Variants in CPXM1 observed in about 807,000 individuals in gnomAD.
CPXM1 encodes probable carboxypeptidase X1.
In CPXM1, 72 loss-of-function variants were observed where a neutral mutation model predicts 80.4. The observed-to-expected ratio is 0.90, with a 90% CI of 0.74 to 1.09. The LOEUF is 1.09. Among genes scored for constraint, CPXM1 ranks in the 50% least tolerant of loss-of-function variants. CPXM1 has a pLI of 0.00. For missense variants in CPXM1, 892 were observed against 999.4 expected, an observed-to-expected ratio of 0.89 and a Z score of 1.45; for synonymous variants, 403 against 405.6, an observed-to-expected ratio of 0.99 and a Z score of 0.08.
chr20:2,798,628 C>T (rs1026769708), intron 2 of CPXM1, 91 bp from the exon 3 acceptor site: 2 of 1,550,584 alleles, frequency 1.3e-6, no homozygotes, highest in Admixed American at 1.7e-5. Context: ...CTGCGCTAGG[C>T]AAGCAAGGGG....
intron 1 of CPXM1, among the ~76,000 whole-genome samples, chr20:2,800,157 G>A (rs1277429195): frequency 6.6e-6 from 1 of 150,750 alleles, no homozygotes; most frequent in Non-Finnish European, 1.5e-5. Flanking sequence ...GCGTGTGAGT[G>A]TGCGTGTGTG....
chr20:2,796,180 G>A lies in CPXM1; in HGVS notation c.1243-19C>T, dbSNP rs779290719. 2 of 1,608,258 alleles carry A rather than the reference G, an allele frequency of 1.2e-6. No individual in the cohort carries two copies. The highest frequency in any genetic ancestry group is 1.7e-4 in the Middle Eastern group (1 of 6,030). ...CTGAACCCTGCCGGGCAAGAGGCTTGTTCAAGTCGAGCAGGTCCAGCCACC... is the reference window on the plus strand; with the variant it reads ...CTGAACCCTGCCGGGCAAGAGGCTTATTCAAGTCGAGCAGGTCCAGCCACC... On this transcript the variant is annotated intron_variant, in intron 9 of 13. Transcript: ENST00000380605. The surrounding 1 kb of genome is among the most constrained non-coding windows in gnomAD (Gnocchi z 6.8).
At position 2,795,642 on chromosome 20, in the gene CPXM1, G is replaced by A. The variant is rs147866857; in HGVS notation, c.1677C>T (p.His559=). ...AGTCAGCCCCGTTGATGATGTTGCC[G>A]TGCACGGAGAAGTCCTGGCTGTGGC... ...RPCHSQDFSV[H]GNIINGADWH... Residue 559 remains histidine, a synonymous_variant, in exon 11 of 14, where the codon CAC becomes CAT. Coordinates refer to ENST00000380605, the MANE Select transcript of CPXM1 (RefSeq NM_019609.5). This position sits in a 1 kb window ranked among gnomAD's most constrained non-coding sequence, Gnocchi z 5.4. The A allele has an allele frequency of 1.4e-4, 225 of 1,614,126 alleles. No homozygotes were observed. The highest frequency in any genetic ancestry group is 3.7e-4 in the African/African-American group (28 of 75,056).
rs1345082499 is a variant in CPXM1, at chr20:2,794,426, C to G, written c.1969G>C (p.Gly657Arg). 8 of 1,613,910 alleles carry G rather than the reference C, an allele frequency of 5.0e-6. No homozygotes were observed. ...GINHDVTTAW[G>R]GDYWRLLTPG... is the part of the protein sequence containing the mutation. ...GTCAGCAGACGCCAATAATCCCCGC[C>G]CCACGCTGAGGAGAGTGAAGGGCAC... Residue 657 changes from glycine (G) to arginine (R), a missense_variant, in exon 14 of 14, where the codon GGC (glycine) becomes CGC (arginine). Gly to Arg is a moderately radical substitution (Grantham distance 125). This residue lies in a region of CPXM1 where 874 missense variants were observed against 958.4 expected (regional missense o/e 0.91). Transcript: ENST00000380605. This position sits in a 1 kb window ranked among gnomAD's most constrained non-coding sequence, Gnocchi z 5.2.
Position 2,795,576 on chromosome 20 carries a change from T to A in CPXM1, c.1720+23A>T, listed in dbSNP as rs1268607257. The A allele has an allele frequency of 6.2e-7, 1 of 1,607,764 alleles. No homozygotes were observed. The highest frequency in any genetic ancestry group is 1.3e-5 in the African/African-American group (1 of 74,834). On this transcript the variant is annotated intron_variant, in intron 11 of 13. Transcript: ENST00000380605. The surrounding 1 kb of genome is among the most constrained non-coding windows in gnomAD (Gnocchi z 5.4). ...AGGGCGGGGGTTACGGGGCCAGGGC[T>A]AACTCCACCCTCAGGCACATACTCC...
Position 2,797,953 on chromosome 20 carries a change from A to G in CPXM1, c.681+15T>C. On this transcript the variant is annotated intron_variant, in intron 5 of 13. Coordinates refer to ENST00000380605, the MANE Select transcript of CPXM1 (RefSeq NM_019609.5). The stretch of plus-strand genomic sequence containing the variant: ...CTCCCAGCATGGAGGCCCCAGCCAC[A>G]GTGGGACCACTCACTGCGTCCATCC... 1.9e-6 allele frequency: 3 copies of G among 1,611,320 alleles called. No homozygotes were observed. Among genetic ancestry groups the G allele is most frequent in the Non-Finnish European group, 2.5e-6 (3 of 1,177,542 alleles).
intron 1 of CPXM1, among the ~76,000 whole-genome samples, chr20:2,799,688 C>T (rs1044555204): frequency 4.6e-5 from 7 of 152,154 alleles, no homozygotes; most frequent in Non-Finnish European, 1.0e-4. Context: ...CCTCTAGAAG[C>T]CCCTGAGTGC....
chr20:2,797,524 G>A (rs1313334348), intron 5 of CPXM1, among the ~76,000 whole-genome samples, 182 bp from the exon 6 acceptor site: 1 of 152,204 alleles, frequency 6.6e-6, no homozygotes, highest in Admixed American at 6.5e-5. Context: ...GCAGCCCTAG[G>A]CAGCCTTGCT....
At position 2,794,739 on chromosome 20, in the gene CPXM1, G is replaced by T; in HGVS notation, c.1861-100C>A. Reference sequence around the variant, plus strand: ...GTTGCCCTGCAAACCTGAGCAAAGTGGTAGGTCTACTGTGTTCCTAGGTGA... The same window carrying T: ...GTTGCCCTGCAAACCTGAGCAAAGTTGTAGGTCTACTGTGTTCCTAGGTGA... On this transcript the variant is annotated intron_variant, in intron 12 of 13. Coordinates refer to ENST00000380605, the MANE Select transcript of CPXM1 (RefSeq NM_019609.5). This position sits in a 1 kb window ranked among gnomAD's most constrained non-coding sequence, Gnocchi z 5.2. The T allele has an allele frequency of 2.3e-6, 2 of 864,530 alleles. No homozygotes were observed. Among genetic ancestry groups the T allele is most frequent in the Non-Finnish European group, 3.8e-6 (2 of 526,374 alleles). The allele number at this position is 864,530 out of a possible 1,614,324, so 53.6% of individuals were successfully genotyped here.
At position 2,798,291 on chromosome 20, in the gene CPXM1, A is replaced by C; in HGVS notation, c.451T>G (p.Ser151Ala). 1 of 1,613,816 alleles carries C rather than the reference A, an allele frequency of 6.2e-7. No individual in the cohort carries two copies. The highest frequency in any genetic ancestry group is 8.5e-7 in the Non-Finnish European group (1 of 1,179,938). The stretch of plus-strand genomic sequence containing the variant: ...TATAGATCGCCGTCCTCCAGGCCTG[A>C]CTGCAGACACAGGACATGGTGGTCA... ...GPHRGRLNIQ[S>A]GLEDGDLYDG... Residue 151 changes from serine to alanine, a missense_variant and splice_region_variant, in exon 4 of 14, where the codon TCA (serine) becomes GCA (alanine). Around this residue, in one of 2 missense-constraint regions of CPXM1, gnomAD observed 874 missense variants for 958.4 expected, o/e 0.91. Coordinates refer to ENST00000380605, the MANE Select transcript of CPXM1 (RefSeq NM_019609.5).
In CPXM1 at chr20:2,796,281, A is replaced by G; in HGVS notation, c.1208T>C (p.Met403Thr). 7 of 1,613,846 alleles carry G rather than the reference A, an allele frequency of 4.3e-6. No individual in the cohort carries two copies. Among genetic ancestry groups the G allele is most frequent in the Non-Finnish European group, 5.9e-6 (7 of 1,179,982 alleles). ...GGCGATCTCATAGCCATCAGGGTTC[A>G]TGGAGGGCAGCAGGTGAATGCGCAT... ...SEMRIHLLPS[M>T]NPDGYEIAYH... The change falls in exon 9 of 14, where the codon ATG becomes ACG. Residue 403 changes from methionine (M) to threonine (T), a missense_variant. By Grantham distance (81) the Met-to-Thr change is moderately conservative. Transcript: ENST00000380605. This position sits in a 1 kb window ranked among gnomAD's most constrained non-coding sequence, Gnocchi z 6.8.
rs1440517943 is a variant in CPXM1, at chr20:2,796,135, C to T, written c.1269G>A (p.Glu423=). 3 of 1,612,002 alleles carry T rather than the reference C, an allele frequency of 1.9e-6. No individual in the cohort carries two copies. The highest frequency in any genetic ancestry group is 1.7e-6 in the Non-Finnish European group (2 of 1,178,926). ...HRGSELVGWA[E]GRWNNQSIDL... is the part of the protein sequence containing the mutation. ...CGATGCTCTGGTTGTTCCAGCGGCC[C>T]TCGGCCCAGCCCACCAGCTCTGAAC... is the stretch of plus-strand genomic sequence containing the variant. Residue 423 remains glutamate (E), a synonymous_variant, in exon 10 of 14, where the codon GAG becomes GAA. Coordinates refer to ENST00000380605, the MANE Select transcript of CPXM1 (RefSeq NM_019609.5). This position sits in a 1 kb window ranked among gnomAD's most constrained non-coding sequence, Gnocchi z 6.8.
At chr20:2,800,302 G>C (rs989381699) in intron 1 of CPXM1, 99 bp downstream of exon 1, 1 of 1,093,342 alleles carries the variant, frequency 9.1e-7, no homozygotes, top group African/African-American at 1.7e-5. Flanking sequence ...GTGTGCGTGG[G>C]TGTGCGTGTG....
intron 5 of CPXM1, among the ~76,000 whole-genome samples, chr20:2,797,574 A>G (rs1431383238): frequency 1.3e-5 from 2 of 152,126 alleles, no homozygotes; most frequent in Admixed American, 1.3e-4. Flanking sequence ...GTTTGGCCAC[A>G]TGACTCGGGG....
In CPXM1 at chr20:2,794,716, T is replaced by A. The variant is rs960504973; in HGVS notation, c.1861-77A>T. The A allele has an allele frequency of 1.2e-5, 15 of 1,204,878 alleles. No individual in the cohort carries two copies. The Admixed American group carries it at 2.2e-4, about 18-fold the overall frequency. 74.6% of individuals were successfully genotyped at this position (1,204,878 alleles called of 1,614,324 possible). On this transcript the variant is annotated intron_variant, in intron 12 of 13. Coordinates refer to ENST00000380605, the MANE Select transcript of CPXM1 (RefSeq NM_019609.5). The surrounding 1 kb of genome is among the most constrained non-coding windows in gnomAD (Gnocchi z 5.2). ...TGTTTAGCTAACTTGCTGGCTCTGT[T>A]GCCCTGCAAACCTGAGCAAAGTGGT...
At position 2,798,545 on chromosome 20, in the gene CPXM1, G is replaced by T; in HGVS notation, c.341-8C>A. ...GACCCAAAGGAGGACAGCCTGGGGCGGGGATAGAACAGTGAGACAGGACCA... is the reference window on the plus strand; with the variant it reads ...GACCCAAAGGAGGACAGCCTGGGGCTGGGATAGAACAGTGAGACAGGACCA... On this transcript the variant is annotated splice_region_variant and splice_polypyrimidine_tract_variant and intron_variant, in intron 2 of 13. Transcript: ENST00000380605. 1 of 1,611,536 alleles carries T rather than the reference G, an allele frequency of 6.2e-7. No homozygotes were observed. Among genetic ancestry groups the T allele is most frequent in the Non-Finnish European group, 8.5e-7 (1 of 1,177,964 alleles).
rs766941206 is a variant in CPXM1 at position 2,797,047 on chromosome 20, G to A, written c.880C>T (p.Pro294Ser). Reference protein sequence around the residue: ...LEAPASGSSDPLDFQHHNYKA... With the variant: ...LEAPASGSSDSLDFQHHNYKA... ...TAATTGTGATGCTGAAAGTCTAGAG[G>A]GTCAGAGGATCCCGACGCAGGGGCC... Residue 294 changes from proline (P) to serine (S), a missense_variant, in exon 7 of 14, where the codon CCT becomes TCT. Physicochemically the swap from Pro to Ser is moderately conservative, Grantham distance 74. Transcript: ENST00000380605. The A allele has an allele frequency of 4.3e-6, 7 of 1,614,058 alleles. No homozygotes were observed. Among genetic ancestry groups the A allele is most frequent in the East Asian group, 2.2e-5 (1 of 44,884 alleles).
intron 1 of CPXM1, 94 bp downstream of exon 1, chr20:2,800,307 C>T: frequency 8.8e-7 from 1 of 1,138,054 alleles, no homozygotes; most frequent in Non-Finnish European, 1.2e-6. Context: ...CGTGGGTGTG[C>T]GTGTGCCCGC....
In CPXM1 at chr20:2,798,157, G is replaced by A. The variant is rs2088529648; in HGVS notation, c.585C>T (p.Val195=). 6.2e-7 allele frequency: 1 copy of A among 1,613,982 alleles called. No individual in the cohort carries two copies. Residue 195 remains valine (V), a synonymous_variant, in exon 4 of 14, where the codon GTC becomes GTT. Coordinates refer to ENST00000380605, the MANE Select transcript of CPXM1 (RefSeq NM_019609.5). ...SGVITQGRNS[V]WRYDWVTSYK... ...CTAGGGTTAGTCTGCCTCACCTCCA[G>A]ACAGAGTTCCTGCCCTGTGTGATAA...
Sources: allele counts gnomAD v4.1 joint callset (sites outside exome capture counted in the v4.1 genomes callset), GRCh38; gene constraint gnomAD v4.1.1; regional missense constraint gnomAD v4.1.1; non-coding constraint Gnocchi (gnomAD v3.1); transcripts MANE v1.5; gene names NCBI Gene and HGNC (gene_info 2026-07-23, HGNC 2026-07-21).